Variants in SPON1 observed in about 807,000 individuals in gnomAD.
The protein encoded by SPON1 is spondin 1.
In SPON1, 52 loss-of-function variants were observed where a neutral mutation model predicts 111.7. That is an observed-to-expected ratio of 0.47 (90% confidence interval 0.37 to 0.59). SPON1 has a LOEUF of 0.59. SPON1 is among the 20% of genes least tolerant of loss of function. The pLI, the probability that SPON1 is intolerant of heterozygous loss-of-function variation, is 0.00. For synonymous variants in SPON1, 410 were observed against 395.8 expected (o/e 1.04, Z -0.43); for missense variants, 957 against 1,068.5 (o/e 0.90, Z 1.46).
intron 2 of SPON1, among the ~76,000 whole-genome samples, chr11:14,011,105 C>A (rs1413500263): frequency 1.3e-5 from 2 of 152,168 alleles, no homozygotes; most frequent in Non-Finnish European, 2.9e-5. Flanking sequence ...TGCCTCCTAT[C>A]CTCGGCAGCT....
chr11:13,985,794 C>T (rs1554910249), intron 2 of SPON1, among the ~76,000 whole-genome samples: 1 of 152,132 alleles, frequency 6.6e-6, no homozygotes, highest in Non-Finnish European at 1.5e-5. Flanking sequence ...CTCAAGGGTC[C>T]AAACACTGTG....
At position 14,017,323 on chromosome 11, in the gene SPON1, T is replaced by A. The variant is rs556574915; in HGVS notation, c.346-24198T>A. On this transcript the variant is annotated intron_variant, in intron 2 of 15. Transcript: ENST00000576479. ...TCTAAAGATCCCCAGCTCTTTAATT[T>A]AAAAAAAAATCAGTGTCAAAATGTT... Among the ~76,000 whole-genome samples, 7 of 151,830 alleles carry A rather than the reference T, an allele frequency of 4.6e-5. No homozygotes were observed. The South Asian group carries it at 1.0e-3, about 23-fold the overall frequency.
intron 6 of SPON1, among the ~76,000 whole-genome samples, chr11:14,184,775 G>C (rs782176663): frequency 1.3e-5 from 2 of 152,088 alleles, no homozygotes; most frequent in Non-Finnish European, 2.9e-5. Context: ...GAATTCCTGA[G>C]AGCCAGCCAG....
rs11023158 is a variant in SPON1, at chr11:14,239,507, C to G, written c.826-3825C>G. ...TTGGGAGGCCGAGGCGGGCAGATCA[C>G]TTGAGCTCAGGAGTTTAAGACCAAC... On this transcript the variant is annotated intron_variant, in intron 6 of 15. Transcript: ENST00000576479. Among the ~76,000 whole-genome samples the G allele has an allele frequency of 5.0e-3, 759 of 152,278 alleles. 6 individuals are homozygous for G. The highest frequency in any genetic ancestry group is 8.3e-3 in the Non-Finnish European group (565 of 68,022).
intron 6 of SPON1, among the ~76,000 whole-genome samples, chr11:14,209,076 T>TTTG (rs1414575542): frequency 3.3e-5 from 5 of 152,082 alleles, no homozygotes; most frequent in African/African-American, 7.2e-5. Context: ...GCATCTTATT[T>TTTG]TTGTTGTTGT....
At chr11:14,210,518 C>T (rs560627807) in intron 6 of SPON1, among the ~76,000 whole-genome samples, 1 of 152,172 alleles carries the variant, frequency 6.6e-6, no homozygotes, top group South Asian at 2.1e-4. Flanking sequence ...CCTGCCTCAG[C>T]CTCCCGAGTA....
chr11:14,111,649 T>C (rs1485258390), intron 5 of SPON1, among the ~76,000 whole-genome samples: 3 of 152,192 alleles, frequency 2.0e-5, no homozygotes, highest in Non-Finnish European at 4.4e-5. Flanking sequence ...CAAATAAGGC[T>C]GACTATTCAT....
rs1170747795 is a variant in SPON1 at position 14,266,473 on chromosome 11, G to A, written c.*786G>A. ...AATTCTTCTGGGAAGCCAGCCTTCT[G>A]AACTTTTTGGTACTAAATCCTTATT... On this transcript the variant is annotated 3_prime_UTR_variant, in exon 16 of 16. Coordinates refer to ENST00000576479, the MANE Select transcript of SPON1 (RefSeq NM_006108.4). 1 of 152,066 alleles carries A rather than the reference G, an allele frequency of 6.6e-6. No homozygotes were observed. The highest frequency in any genetic ancestry group is 2.4e-5 in the African/African-American group (1 of 41,398). 9.4% of individuals were successfully genotyped at this position (152,066 alleles called of 1,614,324 possible).
rs375580233 is a variant in SPON1 at position 14,179,569 on chromosome 11, CAT to C, written c.825+44004_825+44005del. Among the ~76,000 whole-genome samples, 1,406 of 152,270 alleles carry C rather than the reference CAT, an allele frequency of 9.2e-3. 31 individuals are homozygous for C. Among genetic ancestry groups the C allele is most frequent in the African/African-American group, 0.033 (1,351 of 41,544 alleles). ...GAAAGAGCAGAGGCCTTGGATGAGA[CAT>C]ATCTGACTGGGACTGCCAGTGCTGT... is the stretch of plus-strand genomic sequence containing the variant. On this transcript the variant is annotated intron_variant, in intron 6 of 15. Coordinates refer to ENST00000576479, the MANE Select transcript of SPON1 (RefSeq NM_006108.4).
At chr11:14,141,496 C>G (rs1253126925) in intron 6 of SPON1, among the ~76,000 whole-genome samples, 1 of 152,160 alleles carries the variant, frequency 6.6e-6, no homozygotes, top group Non-Finnish European at 1.5e-5. Flanking sequence ...GCTTTCCTGA[C>G]CATAAGAGGT....
intron 3 of SPON1, among the ~76,000 whole-genome samples, chr11:14,044,082 C>T (rs1341866878): frequency 6.6e-6 from 1 of 151,480 alleles, no homozygotes; most frequent in Non-Finnish European, 1.5e-5. Context: ...GGAGACAGGC[C>T]CTGGGGATAT....
chr11:14,088,273 T>G (rs1554922922), intron 5 of SPON1, among the ~76,000 whole-genome samples: 1 of 152,172 alleles, frequency 6.6e-6, no homozygotes, highest in African/African-American at 2.4e-5. Context: ...GGTGCCAGTT[T>G]TTCCTTTCCA....
chr11:14,129,713 G>T (rs1847504684), intron 5 of SPON1, among the ~76,000 whole-genome samples: 3 of 151,982 alleles, frequency 2.0e-5, no homozygotes, highest in Non-Finnish European at 4.4e-5. Context: ...TTCTATATTA[G>T]TCCATTTTCA....
At chr11:14,058,760 C>G (rs1324925745) in intron 3 of SPON1, among the ~76,000 whole-genome samples, 3 of 152,154 alleles carry the variant, frequency 2.0e-5, no homozygotes, top group Non-Finnish European at 4.4e-5. Context: ...GTAACAATTG[C>G]TAAAATATGT....
At chr11:14,249,214 C>A (rs1252991310) in intron 7 of SPON1, among the ~76,000 whole-genome samples, 4 of 152,204 alleles carry the variant, frequency 2.6e-5, no homozygotes, top group Admixed American at 6.5e-5. Context: ...GGAGTAGAGA[C>A]ATGGTCACCT....
In SPON1 at chr11:14,002,345, C is replaced by T. The variant is rs563316856; in HGVS notation, c.345+19392C>T. 3.0e-3 allele frequency among the ~76,000 whole-genome samples: 463 copies of T among 152,110 alleles called. 2 individuals carry two copies. The highest frequency in any genetic ancestry group is 0.014 in the Middle Eastern group (4 of 294). On this transcript the variant is annotated intron_variant, in intron 2 of 15. Transcript: ENST00000576479. ...CTAAGGGGGTGAGGAACTGGGGCTGCGGACCCTGCATCTTTTATAAGCATC... is the reference window on the plus strand; with the variant it reads ...CTAAGGGGGTGAGGAACTGGGGCTGTGGACCCTGCATCTTTTATAAGCATC...
chr11:14,247,054 T>A (rs1848999298), intron 7 of SPON1, among the ~76,000 whole-genome samples: 2 of 151,926 alleles, frequency 1.3e-5, no homozygotes, highest in Admixed American at 1.3e-4. Context: ...CAAAGATGAG[T>A]TTGGTGTGGG....
chr11:14,194,528 T>TCACA (rs372569370), intron 6 of SPON1, among the ~76,000 whole-genome samples: 1,161 of 106,872 alleles, frequency 0.011, 12 homozygotes, highest in African/African-American at 0.041. Context: ...TAGGCCTACT[T>TCACA]CACACACACA....
intron 6 of SPON1, among the ~76,000 whole-genome samples, chr11:14,178,361 G>T (rs1251291683): frequency 6.6e-6 from 1 of 150,762 alleles, no homozygotes; most frequent in Non-Finnish European, 1.5e-5. Context: ...GGCAGAGCTT[G>T]CAGTGAGCCG....
Sources: allele counts gnomAD v4.1 joint callset (sites outside exome capture counted in the v4.1 genomes callset), GRCh38; gene constraint gnomAD v4.1.1; transcripts MANE v1.5; gene names NCBI Gene and HGNC (gene_info 2026-07-23, HGNC 2026-07-21).